SIX1: variants seen among roughly 807,000 people sequenced by gnomAD.
SIX1 encodes the protein SIX homeobox 1.
SIX1 carries 11 observed loss-of-function variants against 26.5 expected under a neutral mutation model. The observed-to-expected ratio is 0.41, with a 90% CI of 0.26 to 0.69. The LOEUF (loss-of-function observed/expected upper bound fraction) is 0.69, where lower values mean the gene tolerates loss of function less well. Among genes scored for constraint, SIX1 ranks in the 30% least tolerant of loss-of-function variants. SIX1 has a pLI of 0.28. For synonymous variants in SIX1, 177 were observed against 166.2 expected, an observed-to-expected ratio of 1.06 and a Z score of -0.50; for missense variants, 333 against 365.9, an observed-to-expected ratio of 0.91 and a Z score of 0.73.
In SIX1 at chr14:60,649,261, G is replaced by T; in HGVS notation, c.-72C>A. 7.0e-7 allele frequency: 1 copy of T among 1,426,160 alleles called. No individual in the cohort carries two copies. The highest frequency in any genetic ancestry group is 9.6e-7 in the Non-Finnish European group (1 of 1,044,954). 88.3% of individuals were successfully genotyped at this position (1,426,160 alleles called of 1,614,324 possible). A position where few individuals can be genotyped will look rare whatever the true frequency, so the allele number is the denominator to read the frequency against. Reference sequence around the variant, plus strand: ...GCAGAGCCGAGAGGCAGGGGGCGGCGGCCGCAGGGAGGGGGGCGCGGCTGT... The same window carrying T: ...GCAGAGCCGAGAGGCAGGGGGCGGCTGCCGCAGGGAGGGGGGCGCGGCTGT... On this transcript the variant is annotated 5_prime_UTR_variant, in exon 1 of 2. Coordinates refer to ENST00000645694, the MANE Select transcript of SIX1 (RefSeq NM_005982.4). This position sits in a 1 kb window ranked among gnomAD's most constrained non-coding sequence, Gnocchi z 5.1.
Position 60,648,939 on chromosome 14 carries a change from T to C in SIX1, c.251A>G (p.Gln84Arg), listed in dbSNP as rs1247489566. The change falls in exon 1 of 2, where the codon CAG becomes CGG. Residue 84 changes from glutamine (Q) to arginine (R), a missense_variant. By Grantham distance (43) the Gln-to-Arg change is conservative. Around this residue, in one of 3 missense-constraint regions of SIX1, gnomAD observed 133 missense variants for 131.8 expected, o/e 1.01. Coordinates refer to ENST00000645694, the MANE Select transcript of SIX1 (RefSeq NM_005982.4). The surrounding 1 kb of genome is among the most constrained non-coding windows in gnomAD (Gnocchi z 7.9). ...QFSPHNHPKL[Q>R]QLWLKAHYVE... ...GTAATGCGCCTTCAGCCACAGTTGC[T>C]GCAGTTTGGGGTGGTTGTGAGGCGA... The C allele has an allele frequency of 6.2e-7, 1 of 1,614,202 alleles. No individual in the cohort carries two copies. The highest frequency in any genetic ancestry group is 8.5e-7 in the Non-Finnish European group (1 of 1,180,030).
At position 60,648,639 on chromosome 14, in the gene SIX1, G is replaced by A. The variant is rs1239894490; in HGVS notation, c.551C>T (p.Ala184Val). 2.4e-5 allele frequency: 38 copies of A among 1,612,904 alleles called. No individual in the cohort carries two copies. The Admixed American group carries it at 6.4e-4, about 27-fold the overall frequency. The change falls in exon 1 of 2, where the codon GCC becomes GTC. Residue 184 changes from alanine to valine, a missense_variant. Physicochemically the swap from Ala to Val is moderately conservative, Grantham distance 64. Transcript: ENST00000645694. This position sits in a 1 kb window ranked among gnomAD's most constrained non-coding sequence, Gnocchi z 7.9. ...NRRQRDRAAE[A>V]KERENTENNN... Reference sequence around the variant, plus strand: ...GAAGCACGCCGCGTACCTTTCCTTGGCCTCCGCGGCCCGGTCTCTTTGCCT... The same window carrying A: ...GAAGCACGCCGCGTACCTTTCCTTGACCTCCGCGGCCCGGTCTCTTTGCCT...
In SIX1 at chr14:60,649,237, C is replaced by A; in HGVS notation, c.-48G>T. 6.4e-7 allele frequency: 1 copy of A among 1,568,852 alleles called. No individual in the cohort carries two copies. The highest frequency in any genetic ancestry group is 2.3e-5 in the East Asian group (1 of 44,422). ...CGGCCCAGGCGCACGCGGCAGGGAG[C>A]AGAGCCGAGAGGCAGGGGGCGGCGG... On this transcript the variant is annotated 5_prime_UTR_variant, in exon 1 of 2. Coordinates refer to ENST00000645694, the MANE Select transcript of SIX1 (RefSeq NM_005982.4). This position sits in a 1 kb window ranked among gnomAD's most constrained non-coding sequence, Gnocchi z 5.1.
Position 60,646,448 on chromosome 14 carries a change from C to A in SIX1, c.690G>T (p.Ser230=). ...CCATATTGCCCTGCAGCAGAAGGAC[C>A]GAGTTCTGGTCTGGACTTTGGGGAG... ...FSPPQSPDQN[S]VLLLQGNMGH... is the part of the protein sequence containing the mutation. The change falls in exon 2 of 2, where the codon TCG becomes TCT. Residue 230 remains serine (S), a synonymous_variant. Transcript: ENST00000645694. 6.2e-7 allele frequency: 1 copy of A among 1,613,916 alleles called. No homozygotes were observed. Among genetic ancestry groups the A allele is most frequent in the Non-Finnish European group, 8.5e-7 (1 of 1,179,986 alleles).
chr14:60,647,441 C>G lies in SIX1; in HGVS notation c.561-864G>C, dbSNP rs148311235. Among the ~76,000 whole-genome samples the G allele has an allele frequency of 5.5e-3, 839 of 152,332 alleles. 4 individuals carry two copies. Among genetic ancestry groups the G allele is most frequent in the African/African-American group, 0.018 (745 of 41,566 alleles). ...GCGCGCTGGGGCGTCAGTCCGGGCA[C>G]TCGGTACCGGTTAACTTCAGGATTT... On this transcript the variant is annotated intron_variant, in intron 1 of 1. Transcript: ENST00000645694. The surrounding 1 kb of genome is among the most constrained non-coding windows in gnomAD (Gnocchi z 5.1).
At position 60,646,065 on chromosome 14, in the gene SIX1, A is replaced by G; in HGVS notation, c.*218T>C. The G allele has an allele frequency of 4.2e-6, 2 of 472,486 alleles. No individual in the cohort carries two copies. The highest frequency in any genetic ancestry group is 4.7e-5 in the South Asian group (1 of 21,436). 29.3% of individuals were successfully genotyped at this position (472,486 alleles called of 1,614,324 possible). ...ATCTCTGCATTGGGAAGGAAAATGC[A>G]AAAGTGGAAAGAGTTGGAGAGAAGA... On this transcript the variant is annotated 3_prime_UTR_variant, in exon 2 of 2. Coordinates refer to ENST00000645694, the MANE Select transcript of SIX1 (RefSeq NM_005982.4).
At chr14:60,646,600 A>G (rs1194342558) in intron 1 of SIX1, 23 bp from the exon 2 acceptor site, 1 of 1,289,372 alleles carries the variant, frequency 7.8e-7, no homozygotes, top group Non-Finnish European at 1.1e-6. Flanking sequence ...GGACAACACC[A>G]TATGGTTAAA....
At position 60,643,927 on chromosome 14, in the gene SIX1, T is replaced by C. The variant is rs921224188; in HGVS notation, c.*2356A>G. ...TTTACAGGACCAGCGCTCTTGCTCC[T>C]CGCCGGATCTGCAGACATTTCCAAG... On this transcript the variant is annotated 3_prime_UTR_variant, in exon 2 of 2. Coordinates refer to ENST00000645694, the MANE Select transcript of SIX1 (RefSeq NM_005982.4). 2.6e-5 allele frequency: 4 copies of C among 152,288 alleles called. No homozygotes were observed. Among genetic ancestry groups the C allele is most frequent in the African/African-American group, 9.6e-5 (4 of 41,574 alleles). The allele number at this position is 152,288 out of a possible 1,614,324, so 9.4% of individuals were successfully genotyped here.
rs1360687233 is a variant in SIX1, at chr14:60,648,441, T to G, written c.560+189A>C. Reference sequence around the variant, plus strand: ...GGTGCTCAAAGCAAATGAGGCCCCATCCTTAGCAAGGAACCTCAGAGTTCA... The same window carrying G: ...GGTGCTCAAAGCAAATGAGGCCCCAGCCTTAGCAAGGAACCTCAGAGTTCA... On this transcript the variant is annotated intron_variant, in intron 1 of 1. Coordinates refer to ENST00000645694, the MANE Select transcript of SIX1 (RefSeq NM_005982.4). This position sits in a 1 kb window ranked among gnomAD's most constrained non-coding sequence, Gnocchi z 7.9. Among the ~76,000 whole-genome samples, 1 of 152,182 alleles carries G rather than the reference T, an allele frequency of 6.6e-6. No homozygotes were observed. The highest frequency in any genetic ancestry group is 1.5e-5 in the Non-Finnish European group (1 of 68,044).
At position 60,643,641 on chromosome 14, in the gene SIX1, G is replaced by C. The variant is rs937013154; in HGVS notation, c.*2642C>G. 1 of 151,992 alleles carries C rather than the reference G, an allele frequency of 6.6e-6. No homozygotes were observed. The highest frequency in any genetic ancestry group is 6.6e-5 in the Admixed American group (1 of 15,254). 9.4% of individuals were successfully genotyped at this position (151,992 alleles called of 1,614,324 possible). On this transcript the variant is annotated 3_prime_UTR_variant, in exon 2 of 2. Coordinates refer to ENST00000645694, the MANE Select transcript of SIX1 (RefSeq NM_005982.4). ...TTTCCTCGAGGGAAGAAAAAAATAT[G>C]GTTAGTTTCCCCTAATGATCTCTCT... is the stretch of plus-strand genomic sequence containing the variant.
chr14:60,646,607 TAAAAAAAAAA>T (rs34899649), intron 1 of SIX1, 30 bp from the exon 2 acceptor site: 26 of 831,556 alleles, frequency 3.1e-5, no homozygotes, highest in East Asian at 2.5e-4. Flanking sequence ...ACCATATGGT[TAAAAAAAAAA>T]AAAAAAAAAA....
rs79733283 is a variant in SIX1 at position 60,648,175 on chromosome 14, G to A, written c.560+455C>T. 0.024 allele frequency among the ~76,000 whole-genome samples: 3,690 copies of A among 152,262 alleles called. 150 individuals are homozygous for A. The highest frequency in any genetic ancestry group is 0.084 in the African/African-American group (3,489 of 41,522). ...AGCTGTGGAGAACCAGGCGGGAGTG[G>A]GGGCAGAGCCAATGTCTCAGGCCAG... On this transcript the variant is annotated intron_variant, in intron 1 of 1. Transcript: ENST00000645694. This position sits in a 1 kb window ranked among gnomAD's most constrained non-coding sequence, Gnocchi z 7.9.
rs935728150 is a variant in SIX1 at position 60,648,225 on chromosome 14, G to A, written c.560+405C>T. Among the ~76,000 whole-genome samples, 19 of 152,152 alleles carry A rather than the reference G, an allele frequency of 1.2e-4. No individual in the cohort carries two copies. Among genetic ancestry groups the A allele is most frequent in the African/African-American group, 4.1e-4 (17 of 41,428 alleles). Reference sequence around the variant, plus strand: ...GCTTCACCCCTCTGGGGAGCAAGAGGAGAGAGGTTCGCGAACCTCAGCTCC... The same window carrying A: ...GCTTCACCCCTCTGGGGAGCAAGAGAAGAGAGGTTCGCGAACCTCAGCTCC... On this transcript the variant is annotated intron_variant, in intron 1 of 1. Coordinates refer to ENST00000645694, the MANE Select transcript of SIX1 (RefSeq NM_005982.4). The surrounding 1 kb of genome is among the most constrained non-coding windows in gnomAD (Gnocchi z 7.9).
chr14:60,646,111 C>T lies in SIX1; in HGVS notation c.*172G>A, dbSNP rs1296212818. 6.6e-6 allele frequency: 4 copies of T among 605,556 alleles called. No homozygotes were observed. In the South Asian group the frequency reaches 6.8e-5, roughly 10 times the overall value. The allele number at this position is 605,556 out of a possible 1,614,324, so 37.5% of individuals were successfully genotyped here. A position where few individuals can be genotyped will look rare whatever the true frequency, so the allele number is the denominator to read the frequency against. Reference sequence around the variant, plus strand: ...GAAGAGGAGATTAAGCTTGAGATCGCTGTTGGTTTTGATTTTTAAAAAGAT... The same window carrying T: ...GAAGAGGAGATTAAGCTTGAGATCGTTGTTGGTTTTGATTTTTAAAAAGAT... On this transcript the variant is annotated 3_prime_UTR_variant, in exon 2 of 2. Transcript: ENST00000645694.
In SIX1 at chr14:60,646,586, T is replaced by C. The variant is rs776151069; in HGVS notation, c.561-9A>G. On this transcript the variant is annotated splice_polypyrimidine_tract_variant and intron_variant, in intron 1 of 1. Transcript: ENST00000645694. ...TGTTTTCGGTGTTCTCCCTAAGAAATAGAGGACAACACCATATGGTTAAAA... is the reference window on the plus strand; with the variant it reads ...TGTTTTCGGTGTTCTCCCTAAGAAACAGAGGACAACACCATATGGTTAAAA... The C allele has an allele frequency of 1.4e-5, 19 of 1,330,298 alleles. No individual in the cohort carries two copies. The South Asian group carries it at 1.4e-4, about 10-fold the overall frequency. The allele number at this position is 1,330,298 out of a possible 1,614,324, so 82.4% of individuals were successfully genotyped here. A position where few individuals can be genotyped will look rare whatever the true frequency, so the allele number is the denominator to read the frequency against.
chr14:60,646,802 A>T (rs1894951884), intron 1 of SIX1, among the ~76,000 whole-genome samples: 1 of 152,144 alleles, frequency 6.6e-6, no homozygotes. Context: ...AGCTACGGAC[A>T]GAGCCTCCTG....
At position 60,646,070 on chromosome 14, in the gene SIX1, T is replaced by C. The variant is rs1594671417; in HGVS notation, c.*213A>G. The C allele has an allele frequency of 6.9e-6, 3 of 436,008 alleles. No individual in the cohort carries two copies. In the South Asian group the frequency reaches 1.5e-4, roughly 22 times the overall value. The allele number at this position is 436,008 out of a possible 1,614,324, so 27.0% of individuals were successfully genotyped here. On this transcript the variant is annotated 3_prime_UTR_variant, in exon 2 of 2. Coordinates refer to ENST00000645694, the MANE Select transcript of SIX1 (RefSeq NM_005982.4). ...TGCATTGGGAAGGAAAATGCAAAAG[T>C]GGAAAGAGTTGGAGAGAAGAGGAGA...
In SIX1 at chr14:60,645,702, T is replaced by C. The variant is rs893527067; in HGVS notation, c.*581A>G. 31 of 151,504 alleles carry C rather than the reference T, an allele frequency of 2.0e-4. No individual in the cohort carries two copies. Among genetic ancestry groups the C allele is most frequent in the African/African-American group, 6.6e-4 (27 of 40,768 alleles). The allele number at this position is 151,504 out of a possible 1,614,324, so 9.4% of individuals were successfully genotyped here. On this transcript the variant is annotated 3_prime_UTR_variant, in exon 2 of 2. Transcript: ENST00000645694. The surrounding 1 kb of genome is among the most constrained non-coding windows in gnomAD (Gnocchi z 4.6). ...TAATCTACATTAAATTGTTTAACAC[T>C]AAATATGAAAAATGTAAACTTAATT... is the stretch of plus-strand genomic sequence containing the variant.
Position 60,646,486 on chromosome 14 carries a change from CT to C in SIX1, c.651del (p.Glu218ArgfsTer34). ...GGACTTTGGGGAGGTGAGAATTCCTCTTCTGAGCTGGACATGAGCGGCTTGC... is the reference window on the plus strand; with the variant it reads ...GGACTTTGGGGAGGTGAGAATTCCTCTCTGAGCTGGACATGAGCGGCTTGC... The part of the protein sequence containing the change: ...EGGKPLMSSS[E>X]EEFSPPQSPD... On this transcript the variant is annotated frameshift_variant, in exon 2 of 2. Transcript: ENST00000645694. LOFTEE classifies it high-confidence loss of function. The C allele has an allele frequency of 6.2e-7, 1 of 1,613,792 alleles. No homozygotes were observed. Among genetic ancestry groups the C allele is most frequent in the Non-Finnish European group, 8.5e-7 (1 of 1,179,978 alleles).
Sources: gnomAD v4.1 joint callset for allele counts (sites outside exome capture counted in the v4.1 genomes callset) on GRCh38, gnomAD v4.1.1 for gene constraint, gnomAD v4.1.1 regional missense constraint, Gnocchi (gnomAD v3.1) non-coding constraint, MANE v1.5 for transcripts, NCBI Gene and HGNC (gene_info 2026-07-23, HGNC 2026-07-21) for gene names.